NECAB1: variants seen among roughly 807,000 people sequenced by gnomAD.
NECAB1 encodes N-terminal EF-hand calcium-binding protein 1.
Under a neutral mutation model 57.5 loss-of-function variants are expected in NECAB1, and 29 were observed. That is an observed-to-expected ratio of 0.50 (90% CI 0.38 to 0.69). The LOEUF (loss-of-function observed/expected upper bound fraction) is 0.69, where lower values mean the gene tolerates loss of function less well. Among genes scored for constraint, NECAB1 ranks in the 30% least tolerant of loss-of-function variants. The pLI is 0.00. For synonymous variants in NECAB1, 142 were observed against 147.7 expected, an observed-to-expected ratio of 0.96 and a Z score of 0.28; for missense variants, 372 against 413.8, an observed-to-expected ratio of 0.90 and a Z score of 0.88.
At position 90,920,167 on chromosome 8, in the gene NECAB1, G is replaced by C. The variant is rs142223846; in HGVS notation, c.494+2539G>C. 3.3e-5 allele frequency among the ~76,000 whole-genome samples: 5 copies of C among 152,306 alleles called. No homozygotes were observed. The East Asian group carries it at 9.6e-4, about 29-fold the overall frequency. ...TGTTACATGTCTGACTGCAGTTTAAGGGGTGCTGTTGTATGGCATTTGACT... is the reference window on the plus strand; with the variant it reads ...TGTTACATGTCTGACTGCAGTTTAACGGGTGCTGTTGTATGGCATTTGACT... On this transcript the variant is annotated intron_variant, in intron 6 of 12. Transcript: ENST00000417640.
chr8:90,944,006 C>T (rs1049486030), intron 10 of NECAB1, among the ~76,000 whole-genome samples: 6 of 152,186 alleles, frequency 3.9e-5, no homozygotes, highest in Non-Finnish European at 8.8e-5. Flanking sequence ...CTTGCCTTGG[C>T]CTCCAAAAGT....
At chr8:90,796,223 G>A (rs1288800677) in intron 1 of NECAB1, among the ~76,000 whole-genome samples, 1 of 152,126 alleles carries the variant, frequency 6.6e-6, no homozygotes, top group Non-Finnish European at 1.5e-5. Flanking sequence ...CCCTGGTAAT[G>A]GGAGAGACTC....
intron 3 of NECAB1, among the ~76,000 whole-genome samples, chr8:90,825,394 AT>A (rs758805243): frequency 6.6e-4 from 101 of 152,024 alleles, no homozygotes; most frequent in Non-Finnish European, 1.1e-3. Context: ...TTCTATTTAT[AT>A]TCTCACTATG....
chr8:90,818,815 T>G (rs1812098990), intron 2 of NECAB1, among the ~76,000 whole-genome samples: 1 of 151,990 alleles, frequency 6.6e-6, no homozygotes, highest in South Asian at 2.1e-4. Context: ...CATTATTATT[T>G]GAAATATTTC....
intron 3 of NECAB1, among the ~76,000 whole-genome samples, chr8:90,849,686 ATTTTT>A (rs34779201): frequency 1.5e-4 from 13 of 84,130 alleles, no homozygotes; most frequent in East Asian, 4.6e-4. Flanking sequence ...GTTTCCAGTA[ATTTTT>A]TTTTTTTTTT....
intron 8 of NECAB1, among the ~76,000 whole-genome samples, chr8:90,929,457 T>C (rs897223743): frequency 1.3e-5 from 2 of 152,158 alleles, no homozygotes; most frequent in Non-Finnish European, 2.9e-5. Flanking sequence ...GAAGACAAGA[T>C]AACCCTACAG....
chr8:90,834,419 C>T (rs1285754114), intron 3 of NECAB1, among the ~76,000 whole-genome samples: 1 of 152,126 alleles, frequency 6.6e-6, no homozygotes, highest in Non-Finnish European at 1.5e-5. Flanking sequence ...GGATTCCACC[C>T]TCATGAATGG....
chr8:90,863,996 T>A (rs921708446), intron 3 of NECAB1, among the ~76,000 whole-genome samples: 57 of 152,174 alleles, frequency 3.7e-4, no homozygotes, highest in African/African-American at 1.4e-3. Flanking sequence ...CACAGACTGA[T>A]GCTGGTCCTC....
chr8:90,860,375 G>A (rs1163468104), intron 3 of NECAB1, among the ~76,000 whole-genome samples: 2 of 151,628 alleles, frequency 1.3e-5, no homozygotes, highest in African/African-American at 2.4e-5. Context: ...TATTTATAGA[G>A]CTCTAAAAAT....
intron 5 of NECAB1, among the ~76,000 whole-genome samples, chr8:90,902,901 C>T (rs1246672809): frequency 6.6e-6 from 1 of 151,758 alleles, no homozygotes; most frequent in Non-Finnish European, 1.5e-5. Context: ...AGTATGTATA[C>T]AAGGAATATT....
intron 10 of NECAB1, among the ~76,000 whole-genome samples, chr8:90,948,054 G>A (rs1810849800): frequency 6.6e-6 from 1 of 152,162 alleles, no homozygotes; most frequent in Non-Finnish European, 1.5e-5. Flanking sequence ...ACAAGGCTGA[G>A]TATTTTAAAC....
At chr8:90,833,833 A>G (rs7824149) in intron 3 of NECAB1, among the ~76,000 whole-genome samples, 80,455 of 151,912 alleles carry the variant, frequency 0.53, 24,081 homozygotes, top group East Asian at 0.85. Flanking sequence ...CAGTTTAAGA[A>G]AACAGTTACA....
At chr8:90,861,970 C>T (rs1316530479) in intron 3 of NECAB1, among the ~76,000 whole-genome samples, 2 of 152,092 alleles carry the variant, frequency 1.3e-5, no homozygotes, top group Admixed American at 6.6e-5. Flanking sequence ...GAGGGAATTG[C>T]CTGGGCTTAG....
intron 3 of NECAB1, among the ~76,000 whole-genome samples, chr8:90,860,237 TC>T (rs367602102): frequency 8.0e-6 from 1 of 125,752 alleles, no homozygotes; most frequent in Admixed American, 8.3e-5. Context: ...TTCTTTTTTT[TC>T]TTTTTTTTTT....
At chr8:90,925,760 CT>C in intron 7 of NECAB1, 104 bp downstream of exon 7, 3 of 1,435,750 alleles carry the variant, frequency 2.1e-6, no homozygotes, top group South Asian at 1.3e-5. Flanking sequence ...TAATGGAACA[CT>C]TTCCTTATAC....
intron 12 of NECAB1, among the ~76,000 whole-genome samples, chr8:90,954,565 C>A (rs1488224699): frequency 6.6e-6 from 1 of 152,002 alleles, no homozygotes; most frequent in East Asian, 1.9e-4. Flanking sequence ...AAATTTCAAT[C>A]CTTTCCATTT....
chr8:90,889,748 G>T (rs1253165676), intron 5 of NECAB1, among the ~76,000 whole-genome samples: 1 of 152,186 alleles, frequency 6.6e-6, no homozygotes. Flanking sequence ...AGAAGTGATT[G>T]TAAAGAGAGA....
intron 4 of NECAB1, 129 bp downstream of exon 4, chr8:90,872,282 A>G (rs1808635680): frequency 1.4e-6 from 1 of 707,354 alleles, no homozygotes; most frequent in Non-Finnish European, 2.2e-6. Context: ...ATTAATCGAG[A>G]TCTCAAGGGA....
chr8:90,855,937 A>G (rs1202651586), intron 3 of NECAB1, among the ~76,000 whole-genome samples: 2 of 152,096 alleles, frequency 1.3e-5, no homozygotes, highest in Non-Finnish European at 2.9e-5. Context: ...ACTACTTAAT[A>G]TATTTTCTAT....
Sources: gnomAD v4.1 joint callset for allele counts (sites outside exome capture counted in the v4.1 genomes callset) on GRCh38, gnomAD v4.1.1 for gene constraint, MANE v1.5 for transcripts, NCBI Gene and HGNC (gene_info 2026-07-23, HGNC 2026-07-21) for gene names.